Variants in RBFOX1 observed in about 807,000 individuals in gnomAD.
The protein encoded by RBFOX1 is RNA binding fox-1 homolog 1, also known as RNA binding protein fox-1 homolog 1.
Under a neutral mutation model 57.7 loss-of-function variants are expected in RBFOX1, and 8 were observed. The observed-to-expected ratio is 0.14, with a 90% CI of 0.08 to 0.25. The LOEUF (loss-of-function observed/expected upper bound fraction) is 0.25. Among genes scored for constraint, RBFOX1 ranks in the 10% least tolerant of loss-of-function variants. The pLI is 1.00. For synonymous variants in RBFOX1, 326 were observed against 222.4 expected (o/e 1.47, Z -4.15); for missense variants, 611 against 548.5 (o/e 1.11, Z -1.14).
intron 2 of RBFOX1, among the ~76,000 whole-genome samples, chr16:6,467,683 T>A (rs866612573): frequency 6.6e-6 from 1 of 152,208 alleles, no homozygotes; most frequent in Non-Finnish European, 1.5e-5. Flanking sequence ...AGCCCGAGAC[T>A]GCAGTCATCC....
rs577345214 is a variant in RBFOX1 at position 5,953,403 on chromosome 16, T to C, written c.351+86068T>C. Reference sequence around the variant, plus strand: ...GGTGTTTGGTTACATGAGTAAGTTCTTTAGGGGTGATTTGTGAGATTTTGG... The same window carrying C: ...GGTGTTTGGTTACATGAGTAAGTTCCTTAGGGGTGATTTGTGAGATTTTGG... On this transcript the variant is annotated intron_variant, in intron 4 of 19. Coordinates refer to the RBFOX1 transcript ENST00000641259. Among the ~76,000 whole-genome samples the C allele has an allele frequency of 3.9e-5, 6 of 152,302 alleles. No individual in the cohort carries two copies. The East Asian group carries it at 1.2e-3, about 29-fold the overall frequency.
At chr16:5,955,009 G>T (rs1365228208) in intron 4 of RBFOX1, among the ~76,000 whole-genome samples, 1 of 149,478 alleles carries the variant, frequency 6.7e-6, no homozygotes. Flanking sequence ...AGCTGGACGT[G>T]GCAGCTCATC....
intron 1 of RBFOX1, among the ~76,000 whole-genome samples, chr16:5,326,028 A>G (rs1319647665): frequency 6.6e-6 from 1 of 152,306 alleles, no homozygotes; most frequent in South Asian, 2.1e-4. Context: ...TTTAGCTTAC[A>G]TACTTATATA....
chr16:6,982,745 C>G lies in RBFOX1; in HGVS notation c.-15-69312C>G, dbSNP rs9926647. Among the ~76,000 whole-genome samples the G allele has an allele frequency of 3.9e-3, 588 of 152,222 alleles. 9 individuals are homozygous for G. The highest frequency in any genetic ancestry group is 0.014 in the African/African-American group (563 of 41,544). On this transcript the variant is annotated intron_variant, in intron 3 of 15. Coordinates refer to ENST00000550418, the MANE Select transcript of RBFOX1 (RefSeq NM_018723.4). ...CAGTGGCTCATGCCTGTAATCCCAA[C>G]ACTTTGGGAGGTCGAGGCAGGTGGA...
In RBFOX1 at chr16:6,767,472, G is replaced by A. The variant is rs75842676; in HGVS notation, c.-16+112822G>A. Among the ~76,000 whole-genome samples the A allele has an allele frequency of 7.0e-3, 1,066 of 152,268 alleles. 37 individuals are homozygous for A. The highest frequency in any genetic ancestry group is 0.049 in the Admixed American group (752 of 15,294). ...CCTGAGGTTTTTCACTTATGTGAAC[G>A]AATACATTTCTTTTTTTGCTTAAGC... On this transcript the variant is annotated intron_variant, in intron 3 of 15. Transcript: ENST00000550418.
At chr16:5,574,416 CT>C (rs140489008) in intron 2 of RBFOX1, among the ~76,000 whole-genome samples, 9,954 of 61,338 alleles carry the variant, frequency 0.16, 965 homozygotes, top group African/African-American at 0.34. Context: ...AAAATTGTTA[CT>C]TTTTTTTCTT....
intron 3 of RBFOX1, among the ~76,000 whole-genome samples, chr16:6,861,712 C>T (rs747067404): frequency 1.4e-4 from 21 of 151,760 alleles, no homozygotes; most frequent in Non-Finnish European, 2.4e-4. Context: ...TTTGGAAGGC[C>T]CGGAAGTCTT....
intron 4 of RBFOX1, among the ~76,000 whole-genome samples, chr16:7,255,557 A>G (rs1447215261): frequency 1.3e-5 from 2 of 152,188 alleles, no homozygotes; most frequent in Non-Finnish European, 2.9e-5. Flanking sequence ...TTTGCACCAC[A>G]TTATCTATTT....
At chr16:6,656,335 T>G (rs182442658) in intron 3 of RBFOX1, among the ~76,000 whole-genome samples, 22 of 152,294 alleles carry the variant, frequency 1.4e-4, no homozygotes, top group Admixed American at 2.6e-4. Flanking sequence ...CAATAGTGCT[T>G]GAAAGATAAC....
intron 3 of RBFOX1, among the ~76,000 whole-genome samples, chr16:5,651,403 G>T (rs953960632): frequency 2.6e-5 from 4 of 152,004 alleles, no homozygotes; most frequent in Non-Finnish European, 5.9e-5. Context: ...GCAGAATGTT[G>T]GTTGGAGGAC....
At chr16:7,579,634 A>C in intron 5 of RBFOX1, 143 bp from the exon 6 acceptor site, 1 of 938,312 alleles carries the variant, frequency 1.1e-6, no homozygotes, top group Non-Finnish European at 1.6e-6. Flanking sequence ...GAATGAATGC[A>C]TGCATGCATG....
At chr16:5,302,246 A>T (rs2063823813) in intron 1 of RBFOX1, among the ~76,000 whole-genome samples, 2 of 152,188 alleles carry the variant, frequency 1.3e-5, no homozygotes, top group African/African-American at 2.4e-5. Flanking sequence ...AATTTTCTAG[A>T]TAACTTATTT....
intron 1 of RBFOX1, among the ~76,000 whole-genome samples, chr16:6,173,387 G>C (rs1204159518): frequency 1.3e-5 from 2 of 152,130 alleles, no homozygotes; most frequent in Non-Finnish European, 2.9e-5. Context: ...GTGAGACCTT[G>C]GTTAGTGTTA....
rs117511309 is a variant in RBFOX1, at chr16:7,292,980, C to G, written c.28-225167C>G. On this transcript the variant is annotated intron_variant, in intron 4 of 15. Coordinates refer to ENST00000550418, the MANE Select transcript of RBFOX1 (RefSeq NM_018723.4). The stretch of plus-strand genomic sequence containing the variant: ...GGATACGAATTTGTTCTCTGGCTCT[C>G]AAAAAGAAAAGAGGGAAGAGGAAAA... 6.4e-4 allele frequency among the ~76,000 whole-genome samples: 97 copies of G among 151,948 alleles called. No homozygotes were observed. The East Asian group carries it at 0.014, about 22-fold the overall frequency.
intron 2 of RBFOX1, among the ~76,000 whole-genome samples, chr16:6,478,872 A>G (rs1048500463): frequency 6.6e-6 from 1 of 152,148 alleles, no homozygotes; most frequent in Non-Finnish European, 1.5e-5. Flanking sequence ...TGCTCATCAC[A>G]GATCACAGTA....
chr16:6,068,579 C>A (rs368580448), intron 1 of RBFOX1, among the ~76,000 whole-genome samples: 369 of 152,254 alleles, frequency 2.4e-3, no homozygotes, highest in African/African-American at 8.5e-3. Flanking sequence ...AAGGGACTCC[C>A]CAAACCTCCA....
At chr16:6,459,510 C>G (rs1295938338) in intron 2 of RBFOX1, among the ~76,000 whole-genome samples, 1 of 152,124 alleles carries the variant, frequency 6.6e-6, no homozygotes, top group African/African-American at 2.4e-5. Flanking sequence ...AAGAAAATCG[C>G]TTTAGAGCTG....
intron 4 of RBFOX1, among the ~76,000 whole-genome samples, chr16:7,323,251 C>G (rs1223962070): frequency 6.6e-6 from 1 of 152,070 alleles, no homozygotes; most frequent in South Asian, 2.1e-4. Context: ...AGCGAGACCC[C>G]CATCTCTGAA....
At chr16:7,654,849 T>C (rs2065926128) in intron 12 of RBFOX1, among the ~76,000 whole-genome samples, 1 of 152,182 alleles carries the variant, frequency 6.6e-6, no homozygotes, top group African/African-American at 2.4e-5. Flanking sequence ...CTATGTCCTC[T>C]ATTGGGTAGA....
Sources: allele counts gnomAD v4.1 joint callset (sites outside exome capture counted in the v4.1 genomes callset), GRCh38; gene constraint gnomAD v4.1.1; transcripts MANE v1.5; gene names NCBI Gene and HGNC (gene_info 2026-07-23, HGNC 2026-07-21).